The following ENTPD7 variants were observed in gnomAD, a reference collection of about 807,000 sequenced individuals.
The protein encoded by ENTPD7 is NTPDase 7.
A neutral mutation model predicts 77.9 loss-of-function variants in ENTPD7; 53 were observed. The ratio of observed to expected loss-of-function variants is 0.68; its 90% CI spans 0.55 to 0.85. ENTPD7 has a LOEUF of 0.85. Ranked by LOEUF, ENTPD7 falls within the 40% of genes least tolerant of loss-of-function variation. The probability of loss-of-function intolerance (pLI) is 0.00; values close to 1 mark genes in which losing one functional copy is unlikely to be tolerated. For missense variants in ENTPD7, 636 were observed against 743.7 expected, an observed-to-expected ratio of 0.86 and a Z score of 1.68; for synonymous variants, 248 against 274.9, an observed-to-expected ratio of 0.90 and a Z score of 0.97.
chr10:99,696,607 TAGTC>T (rs2035984339), intron 9 of ENTPD7, among the ~76,000 whole-genome samples: 1 of 152,244 alleles, frequency 6.6e-6, no homozygotes, highest in African/African-American at 2.4e-5. Context: ...AAATTCATAA[TAGTC>T]AGTTTTTCCT....
intron 9 of ENTPD7, among the ~76,000 whole-genome samples, chr10:99,696,984 A>T (rs1206145574): frequency 6.6e-6 from 1 of 152,212 alleles, no homozygotes; most frequent in Non-Finnish European, 1.5e-5. Context: ...GCTGATACTA[A>T]GCAAACAACA....
intron 3 of ENTPD7, among the ~76,000 whole-genome samples, chr10:99,671,862 T>TACAAGCCAA (rs1399644944): frequency 3.3e-5 from 5 of 152,236 alleles, no homozygotes; most frequent in Non-Finnish European, 7.3e-5. Flanking sequence ...AATGAGAGGT[T>TACAAGCCAA]CTGTGTCAGC....
intron 7 of ENTPD7, 134 bp downstream of exon 7, chr10:99,688,884 CT>C (rs1288083663): frequency 5.0e-6 from 4 of 794,660 alleles, no homozygotes; most frequent in African/African-American, 1.7e-5. Context: ...TTTTCCAGTC[CT>C]AATTTGCTTT....
chr10:99,706,028 T>C lies in ENTPD7; in HGVS notation c.*1345T>C, dbSNP rs1418039706. 6.6e-6 allele frequency: 1 copy of C among 152,216 alleles called. No homozygotes were observed. The highest frequency in any genetic ancestry group is 2.4e-5 in the African/African-American group (1 of 41,460). The allele number at this position is 152,216 out of a possible 1,614,324, so 9.4% of individuals were successfully genotyped here. On this transcript the variant is annotated 3_prime_UTR_variant, in exon 13 of 13. Transcript: ENST00000370489. ...GCCTTGAATGTCCTTTCCACGAATATGCTCCCACGGCTGGGAGCATTTTCT... is the reference window on the plus strand; with the variant it reads ...GCCTTGAATGTCCTTTCCACGAATACGCTCCCACGGCTGGGAGCATTTTCT...
rs1285562150 is a variant in ENTPD7, at chr10:99,688,745, A to G, written c.704A>G (p.Glu235Gly). The part of the protein sequence containing the change: ...INFVLGRFDH[E>G]DESDAEATQE... ...TTTGTTTTGGGAAGATTCGACCACG[A>G]GGATGGTGAGTAATATTGTCTTTTT... The change falls in exon 7 of 13, where the codon GAG becomes GGG. Residue 235 changes from glutamate (E) to glycine (G), a missense_variant. Physicochemically the swap from Glu to Gly is moderately conservative, Grantham distance 98. Coordinates refer to ENST00000370489, the MANE Select transcript of ENTPD7 (RefSeq NM_020354.5). The G allele has an allele frequency of 6.2e-7, 1 of 1,613,888 alleles. No individual in the cohort carries two copies. Among genetic ancestry groups the G allele is most frequent in the Admixed American group, 1.7e-5 (1 of 60,014 alleles).
In ENTPD7 at chr10:99,704,943, G is replaced by A. The variant is rs1339887103; in HGVS notation, c.*260G>A. On this transcript the variant is annotated 3_prime_UTR_variant, in exon 13 of 13. Coordinates refer to ENST00000370489, the MANE Select transcript of ENTPD7 (RefSeq NM_020354.5). ...ACCAAGCTTTGTCCAAGTGAAGCAGGCTTCGACTCCTTCTGAGAGGTCTGG... is the reference window on the plus strand; with the variant it reads ...ACCAAGCTTTGTCCAAGTGAAGCAGACTTCGACTCCTTCTGAGAGGTCTGG... 1 of 497,104 alleles carries A rather than the reference G, an allele frequency of 2.0e-6. No homozygotes were observed. The highest frequency in any genetic ancestry group is 3.7e-6 in the Non-Finnish European group (1 of 273,526). The allele number at this position is 497,104 out of a possible 1,614,324, so 30.8% of individuals were successfully genotyped here.
In ENTPD7 at chr10:99,685,863, C is replaced by A. The variant is rs1207090942; in HGVS notation, c.620C>A (p.Ser207Tyr). 4 of 1,613,798 alleles carry A rather than the reference C, an allele frequency of 2.5e-6. No individual in the cohort carries two copies. The highest frequency in any genetic ancestry group is 3.4e-6 in the Non-Finnish European group (4 of 1,179,862). The part of the protein sequence containing the change: ...PLEFDFLFSQ[S>Y]QAEVISGKQE... ...GAGTTTGACTTCCTCTTTTCACAGT[C>A]TCAAGCAGAAGTGATCTCTGGGAAG... is the stretch of plus-strand genomic sequence containing the variant. The change falls in exon 6 of 13, where the codon TCT (serine) becomes TAT (tyrosine). Residue 207 changes from serine (S) to tyrosine (Y), a missense_variant. Physicochemically the swap from Ser to Tyr is moderately radical, Grantham distance 144 (BLOSUM62 -2). This residue lies in a region of ENTPD7 where 486 missense variants were observed against 556.5 expected (regional missense o/e 0.87). Transcript: ENST00000370489.
rs182267052 is a variant in ENTPD7, at chr10:99,679,928, G to A, written c.548+53G>A. 1.3e-5 allele frequency: 21 copies of A among 1,572,540 alleles called. No individual in the cohort carries two copies. The Admixed American group carries it at 2.8e-4, about 21-fold the overall frequency. ...GAAAACGGTGGCACAAGAGATGAAA[G>A]GCCAGTTTCATGCACTGTCCTCTGT... On this transcript the variant is annotated intron_variant, in intron 5 of 12. Transcript: ENST00000370489.
intron 8 of ENTPD7, 83 bp downstream of exon 8, chr10:99,691,601 C>A (rs1250983707): frequency 3.4e-6 from 5 of 1,455,992 alleles, no homozygotes; most frequent in Non-Finnish European, 3.7e-6. Context: ...CTTAGACCAA[C>A]CTACCTGGCT....
chr10:99,677,472 C>T (rs1175861581), intron 3 of ENTPD7, among the ~76,000 whole-genome samples: 1 of 146,398 alleles, frequency 6.8e-6, no homozygotes, highest in East Asian at 2.1e-4. Flanking sequence ...TCAAGCGATT[C>T]TCCTGCCTCA....
intron 12 of ENTPD7, 116 bp downstream of exon 12, chr10:99,702,789 T>A (rs546479922): frequency 2.7e-5 from 25 of 914,738 alleles, no homozygotes; most frequent in Middle Eastern, 3.5e-4. Context: ...TAAGTGACCT[T>A]CCTCTCTACC....
At chr10:99,679,606 C>T in intron 4 of ENTPD7, 119 bp from the exon 5 acceptor site, 1 of 1,441,218 alleles carries the variant, frequency 6.9e-7, no homozygotes, top group Non-Finnish European at 9.3e-7. Flanking sequence ...CACCCCCTAC[C>T]TCTCAAATAA....
intron 3 of ENTPD7, among the ~76,000 whole-genome samples, chr10:99,669,611 C>T (rs935927153): frequency 6.6e-6 from 1 of 151,632 alleles, no homozygotes; most frequent in African/African-American, 2.4e-5. Flanking sequence ...TTTTAATACA[C>T]TTTTTTTAGA....
chr10:99,686,508 A>G (rs1228258892), intron 6 of ENTPD7, among the ~76,000 whole-genome samples: 1 of 152,164 alleles, frequency 6.6e-6, no homozygotes, highest in Non-Finnish European at 1.5e-5. Context: ...ATACATGGGA[A>G]AAGATTTACC....
intron 8 of ENTPD7, among the ~76,000 whole-genome samples, chr10:99,694,885 CA>C (rs1767706782): frequency 6.6e-6 from 1 of 152,060 alleles, no homozygotes; most frequent in Non-Finnish European, 1.5e-5. Context: ...TTGCAGGGCA[CA>C]ATGGTATTTT....
At chr10:99,689,580 C>T (rs2133476011) in intron 7 of ENTPD7, among the ~76,000 whole-genome samples, 1 of 152,310 alleles carries the variant, frequency 6.6e-6, no homozygotes, top group Middle Eastern at 3.4e-3. Context: ...ATCTGCAAGA[C>T]TAAATCATAG....
chr10:99,701,392 A>G (rs185366388), intron 11 of ENTPD7, among the ~76,000 whole-genome samples: 7 of 151,470 alleles, frequency 4.6e-5, no homozygotes, highest in African/African-American at 1.7e-4. Flanking sequence ...GGTTCCAGCG[A>G]TTCTCCTGCC....
intron 5 of ENTPD7, among the ~76,000 whole-genome samples, chr10:99,684,597 T>C (rs894097847): frequency 7.2e-5 from 11 of 152,252 alleles, no homozygotes; most frequent in African/African-American, 2.7e-4. Context: ...AATATAGATC[T>C]TCACTTTGAA....
rs776636403 is a variant in ENTPD7 at position 99,679,766 on chromosome 10, T to C, written c.439T>C (p.Tyr147His). 47 of 1,614,052 alleles carry C rather than the reference T, an allele frequency of 2.9e-5. No homozygotes were observed. Among genetic ancestry groups the C allele is most frequent in the South Asian group, 1.1e-5 (1 of 91,072 alleles). ...MADTPEHASDYLRPLLSFAAA... is the reference protein window; with the variant it reads ...MADTPEHASDHLRPLLSFAAA... ...AGACACTCCAGAACATGCCAGTGATTACCTTCGTCCTCTGCTGAGCTTTGC... is the reference window on the plus strand; with the variant it reads ...AGACACTCCAGAACATGCCAGTGATCACCTTCGTCCTCTGCTGAGCTTTGC... Residue 147 changes from tyrosine to histidine, a missense_variant, in exon 5 of 13, where the codon TAC (tyrosine) becomes CAC (histidine). This residue lies in a region of ENTPD7 where 486 missense variants were observed against 556.5 expected (regional missense o/e 0.87). Coordinates refer to ENST00000370489, the MANE Select transcript of ENTPD7 (RefSeq NM_020354.5).
Sources: allele counts gnomAD v4.1 joint callset (sites outside exome capture counted in the v4.1 genomes callset), GRCh38; gene constraint gnomAD v4.1.1; regional missense constraint gnomAD v4.1.1; transcripts MANE v1.5; gene names NCBI Gene and HGNC (gene_info 2026-07-23, HGNC 2026-07-21).